SLC28A1: variants seen among roughly 807,000 people sequenced by gnomAD.
SLC28A1 encodes solute carrier family 28 member 1.
SLC28A1 carries 64 observed loss-of-function variants against 74.8 expected under a neutral mutation model. The observed-to-expected ratio is 0.86, with a 90% CI of 0.70 to 1.05. The LOEUF (loss-of-function observed/expected upper bound fraction) is 1.05, where lower values mean the gene tolerates loss of function less well. Ranked by LOEUF, SLC28A1 falls within the 50% of genes least tolerant of loss-of-function variation. The pLI is 0.00. For missense variants in SLC28A1, 828 were observed against 822.8 expected, an observed-to-expected ratio of 1.01 and a Z score of -0.08; for synonymous variants, 359 against 335.0, an observed-to-expected ratio of 1.07 and a Z score of -0.78.
the SLC28A1 span, among the ~76,000 whole-genome samples, chr15:84,974,051 A>C: frequency 1.2e-4 from 19 of 152,304 alleles, no homozygotes; most frequent in African/African-American, 4.6e-4. Flanking sequence ...GATTCAGGCC[A>C]GCAGAGGGGA....
At chr15:84,917,565 T>C (rs1304238454) in intron 9 of SLC28A1, among the ~76,000 whole-genome samples, 1 of 151,468 alleles carries the variant, frequency 6.6e-6, no homozygotes, top group African/African-American at 2.5e-5. Context: ...TGTGCCATCA[T>C]GCATGGCTAC....
At chr15:84,964,019 T>G in the SLC28A1 span, among the ~76,000 whole-genome samples, 1 of 152,188 alleles carries the variant, frequency 6.6e-6, no homozygotes, top group African/African-American at 2.4e-5. Flanking sequence ...GGACCCAATG[T>G]GGCTGTCTTC....
chr15:84,948,177 C>T (rs182416645), downstream of SLC28A1, among the ~76,000 whole-genome samples: 59 of 152,230 alleles, frequency 3.9e-4, no homozygotes, highest in Middle Eastern at 6.8e-3. Context: ...CCTCTGCTGC[C>T]CCCTCAATTT....
At chr15:84,915,946 G>GTTCTTC (rs1340037642) in intron 9 of SLC28A1, among the ~76,000 whole-genome samples, 1 of 126,364 alleles carries the variant, frequency 7.9e-6, no homozygotes, top group South Asian at 2.4e-4. Flanking sequence ...TGTTGTTGTT[G>GTTCTTC]TTGTTGTTCT....
At chr15:84,920,197 G>C (rs1189214303) in intron 10 of SLC28A1, among the ~76,000 whole-genome samples, 1 of 152,212 alleles carries the variant, frequency 6.6e-6, no homozygotes, top group African/African-American at 2.4e-5. Context: ...TGTAATCCCA[G>C]CACTTTGGGA....
the SLC28A1 span, among the ~76,000 whole-genome samples, chr15:84,954,769 T>A: frequency 6.6e-6 from 1 of 152,238 alleles, no homozygotes; most frequent in South Asian, 2.1e-4. Context: ...TTATTTTTAT[T>A]TTAATTAATA....
intron 6 of SLC28A1, among the ~76,000 whole-genome samples, chr15:84,901,152 G>A (rs1966649783): frequency 6.6e-6 from 1 of 152,062 alleles, no homozygotes; most frequent in Non-Finnish European, 1.5e-5. Context: ...AACGTGGGAG[G>A]CAGAGCCACG....
chr15:84,966,048 A>C, the SLC28A1 span, among the ~76,000 whole-genome samples: 1 of 152,120 alleles, frequency 6.6e-6, no homozygotes, highest in African/African-American at 2.4e-5. Flanking sequence ...ACAAACTTCT[A>C]TGTTGTTGGT....
intron 10 of SLC28A1, among the ~76,000 whole-genome samples, chr15:84,919,078 TGTG>T (rs1386175915): frequency 4.6e-5 from 7 of 152,166 alleles, no homozygotes; most frequent in African/African-American, 1.7e-4. Context: ...CAAAGTCTAA[TGTG>T]GTCCTTGCTA....
the SLC28A1 span, chr15:84,961,549 C>T: frequency 2.2e-6 from 1 of 452,390 alleles, no homozygotes; most frequent in Non-Finnish European, 4.4e-6. Context: ...CTATGTTGAC[C>T]AGGCTGGTCT....
At chr15:84,923,799 G>A (rs1044405207) in intron 11 of SLC28A1, among the ~76,000 whole-genome samples, 186 bp from the exon 12 acceptor site, 3 of 152,096 alleles carry the variant, frequency 2.0e-5, no homozygotes, top group Non-Finnish European at 2.9e-5. Context: ...GGGAGGGATG[G>A]GGGTCCTTCT....
intron 9 of SLC28A1, among the ~76,000 whole-genome samples, chr15:84,911,875 A>AAAAAG (rs1567149254): frequency 8.9e-6 from 1 of 111,818 alleles, no homozygotes; most frequent in Non-Finnish European, 1.8e-5. Flanking sequence ...AAAAAAAAAA[A>AAAAAG]AAGAAGAAGA....
intron 12 of SLC28A1, among the ~76,000 whole-genome samples, chr15:84,931,577 G>A (rs866444896): frequency 3.1e-4 from 42 of 136,702 alleles, no homozygotes; most frequent in African/African-American, 1.1e-3. Flanking sequence ...GTGTGAACCT[G>A]GGAGGTAGAG....
chr15:84,952,732 CA>C, the SLC28A1 span, among the ~76,000 whole-genome samples: 4 of 151,958 alleles, frequency 2.6e-5, no homozygotes, highest in Non-Finnish European at 5.9e-5. Context: ...CAAAAAAATA[CA>C]AAAAAATTAG....
At chr15:84,974,246 A>T in the SLC28A1 span, among the ~76,000 whole-genome samples, 1 of 152,142 alleles carries the variant, frequency 6.6e-6, no homozygotes, top group Non-Finnish European at 1.5e-5. Flanking sequence ...AGTTGCTCTG[A>T]GGTAGATCGT....
chr15:84,957,855 C>T, the SLC28A1 span, among the ~76,000 whole-genome samples: 1 of 152,136 alleles, frequency 6.6e-6, no homozygotes, highest in Non-Finnish European at 1.5e-5. Flanking sequence ...CTGCAAAAAA[C>T]CCAGCTGAGA....
intron 7 of SLC28A1, 108 bp downstream of exon 7, chr15:84,904,346 C>A: frequency 6.5e-7 from 1 of 1,536,138 alleles, no homozygotes; most frequent in Non-Finnish European, 8.9e-7. Context: ...TTGGGAGAGC[C>A]CTGGAGGCTC....
Position 84,888,804 on chromosome 15 carries a change from C to T in SLC28A1, c.129C>T (p.Ser43=), listed in dbSNP as rs1481364842. The T allele has an allele frequency of 3.2e-6, 5 of 1,554,704 alleles. No homozygotes were observed. The highest frequency in any genetic ancestry group is 3.9e-5 in the Admixed American group (2 of 51,434). The change falls in exon 4 of 19, where the codon AGC becomes AGT. Residue 43 remains serine (S), a synonymous_variant. Coordinates refer to ENST00000394573, the MANE Select transcript of SLC28A1 (RefSeq NM_004213.5). ...EEGQLPRSDL[S]PAEIRSSWSE... ...GCCAGCTCCCTAGGAGTGACTTGAG[C>T]CCCGCAGAGATCAGGAGCAGCTGGA...
At chr15:84,957,327 C>T in the SLC28A1 span, among the ~76,000 whole-genome samples, 4 of 152,108 alleles carry the variant, frequency 2.6e-5, no homozygotes, top group South Asian at 2.1e-4. Context: ...AGTGCAGTGG[C>T]GCAGTCTCCA....
Sources: gnomAD v4.1 joint callset for allele counts (sites outside exome capture counted in the v4.1 genomes callset) on GRCh38, gnomAD v4.1.1 for gene constraint, MANE v1.5 for transcripts, NCBI Gene and HGNC (gene_info 2026-07-23, HGNC 2026-07-21) for gene names.